ANK2: variants seen among roughly 807,000 people sequenced by gnomAD.
The protein encoded by ANK2 is ankyrin 2.
Under a neutral mutation model 360.5 loss-of-function variants are expected in ANK2, and 83 were observed. That is an observed-to-expected ratio of 0.23 (90% CI 0.19 to 0.28). The LOEUF (loss-of-function observed/expected upper bound fraction) is 0.28, where lower values mean the gene tolerates loss of function less well. Ranked by LOEUF, ANK2 falls within the 10% of genes least tolerant of loss-of-function variation. The pLI is 1.00. For synonymous variants in ANK2, 1,740 were observed against 1,759.5 expected, an observed-to-expected ratio of 0.99 and a Z score of 0.28; for missense variants, 4,201 against 4,795.7, an observed-to-expected ratio of 0.88 and a Z score of 3.66.
chr4:112,770,858 T>C, the ANK2 span, among the ~76,000 whole-genome samples: 14 of 152,352 alleles, frequency 9.2e-5, no homozygotes, highest in African/African-American at 3.4e-4. Flanking sequence ...AGTGATACAC[T>C]GATGCTGATA....
intron 26 of ANK2, among the ~76,000 whole-genome samples, chr4:113,326,608 C>G (rs2090087924): frequency 6.6e-6 from 1 of 152,010 alleles, no homozygotes; most frequent in Admixed American, 6.6e-5. Context: ...TTCTCTTTCT[C>G]TTCTAAAGAA....
At chr4:113,191,877 C>T (rs953751873) in intron 2 of ANK2, among the ~76,000 whole-genome samples, 1 of 152,044 alleles carries the variant, frequency 6.6e-6, no homozygotes, top group Non-Finnish European at 1.5e-5. Context: ...GCCCTGTGCC[C>T]GTGTTCTTCA....
chr4:113,111,666 A>T (rs1279607139), intron 1 of ANK2, among the ~76,000 whole-genome samples: 1 of 152,196 alleles, frequency 6.6e-6, no homozygotes, highest in Non-Finnish European at 1.5e-5. Context: ...TTAATAGACT[A>T]TGAGGATTTC....
intron 26 of ANK2, among the ~76,000 whole-genome samples, chr4:113,323,246 T>C (rs1346398416): frequency 6.6e-6 from 1 of 152,180 alleles, no homozygotes; most frequent in Non-Finnish European, 1.5e-5. Flanking sequence ...GATACTCTAG[T>C]AGGTAATTGA....
the ANK2 span, among the ~76,000 whole-genome samples, chr4:112,796,094 C>G: frequency 6.6e-6 from 1 of 152,140 alleles, no homozygotes; most frequent in African/African-American, 2.4e-5. Flanking sequence ...GCCACAGCAC[C>G]TGGCTGAGAT....
intron 18 of ANK2, among the ~76,000 whole-genome samples, chr4:113,285,730 G>C (rs1470961374): frequency 6.6e-6 from 1 of 152,148 alleles, no homozygotes; most frequent in Admixed American, 6.6e-5. Flanking sequence ...CAGGATATAG[G>C]ATGGGACTGT....
chr4:112,983,568 G>T (rs755071250), intron 2 of ANK2, among the ~76,000 whole-genome samples: 3 of 151,732 alleles, frequency 2.0e-5, no homozygotes, highest in Admixed American at 6.6e-5. Flanking sequence ...CCAGCTACTC[G>T]TGAGGCTGAG....
chr4:112,874,848 C>T (rs2074503868), intron 1 of ANK2, among the ~76,000 whole-genome samples: 1 of 152,038 alleles, frequency 6.6e-6, no homozygotes, highest in Non-Finnish European at 1.5e-5. Flanking sequence ...ATATCGATTG[C>T]ATCCCCGGGG....
chr4:113,177,225 C>T (rs573425892), intron 2 of ANK2, among the ~76,000 whole-genome samples: 6 of 152,214 alleles, frequency 3.9e-5, no homozygotes, highest in Admixed American at 6.5e-5. Context: ...GGACTACAGG[C>T]GCCCGCCACC....
the ANK2 span, among the ~76,000 whole-genome samples, chr4:112,729,447 A>G: frequency 6.6e-6 from 1 of 152,156 alleles, no homozygotes; most frequent in Non-Finnish European, 1.5e-5. Flanking sequence ...AGTGTCCATC[A>G]GTGGATGATT....
At chr4:112,997,193 G>A (rs886697158) in intron 2 of ANK2, among the ~76,000 whole-genome samples, 3 of 152,028 alleles carry the variant, frequency 2.0e-5, no homozygotes, top group African/African-American at 7.2e-5. Context: ...ATGCACTGTG[G>A]AATGGCTAAA....
Position 112,821,313 on chromosome 4 carries a change from A to T in ANK2, c.-40+3049A>T, listed in dbSNP as rs111574414. 5.8e-3 allele frequency among the ~76,000 whole-genome samples: 888 copies of T among 152,234 alleles called. 6 individuals are homozygous for T. Among genetic ancestry groups the T allele is most frequent in the African/African-American group, 0.02 (827 of 41,532 alleles). ...ATCCTACTGTGTTAGCTTCCCTAGT[A>T]GCTGGGATTACAGGCATGCACCATC... On this transcript the variant is annotated intron_variant, in intron 1 of 30. Transcript: ENST00000503271.
intron 9 of ANK2, among the ~76,000 whole-genome samples, chr4:113,247,022 C>T (rs1244662061): frequency 9.5e-6 from 1 of 105,380 alleles, no homozygotes; most frequent in East Asian, 3.0e-4. Context: ...GAAAGAATGA[C>T]CTAAGCAGAG....
chr4:112,819,419 T>G (rs982359672), intron 1 of ANK2, among the ~76,000 whole-genome samples: 1 of 152,332 alleles, frequency 6.6e-6, no homozygotes, highest in South Asian at 2.1e-4. Flanking sequence ...CCAGAGACTT[T>G]GGGGCCAAAC....
intron 2 of ANK2, among the ~76,000 whole-genome samples, chr4:113,004,711 T>C (rs1429478826): frequency 6.6e-6 from 1 of 152,238 alleles, no homozygotes; most frequent in Non-Finnish European, 1.5e-5. Context: ...TCAAGTTTTA[T>C]ATACTGTACC....
At chr4:112,786,589 G>A in the ANK2 span, among the ~76,000 whole-genome samples, 1 of 151,632 alleles carries the variant, frequency 6.6e-6, no homozygotes, top group Non-Finnish European at 1.5e-5. Context: ...TAGAGACGGA[G>A]TTTCACCGTG....
chr4:113,306,276 G>T (rs1398089028), intron 23 of ANK2, among the ~76,000 whole-genome samples: 1 of 152,208 alleles, frequency 6.6e-6, no homozygotes, highest in Admixed American at 6.5e-5. Flanking sequence ...CGTGCTAAGA[G>T]ATGAGAGATT....
chr4:112,988,309 T>C (rs1289990235), intron 2 of ANK2, among the ~76,000 whole-genome samples: 1 of 152,238 alleles, frequency 6.6e-6, no homozygotes, highest in Non-Finnish European at 1.5e-5. Flanking sequence ...TTGTACTTGT[T>C]ATTCTAGTGA....
chr4:112,707,419 G>T, the ANK2 span, among the ~76,000 whole-genome samples: 21 of 152,188 alleles, frequency 1.4e-4, no homozygotes, highest in Non-Finnish European at 2.2e-4. Flanking sequence ...GCGTCCCAGA[G>T]AAATTGTTAG....
Sources: gnomAD v4.1 joint callset for allele counts (sites outside exome capture counted in the v4.1 genomes callset) on GRCh38, gnomAD v4.1.1 for gene constraint, MANE v1.5 for transcripts, NCBI Gene and HGNC (gene_info 2026-07-23, HGNC 2026-07-21) for gene names.